STIM1: variants seen among roughly 807,000 people sequenced by gnomAD.
STIM1 encodes stromal interaction molecule 1.
A neutral mutation model predicts 74.7 loss-of-function variants in STIM1; 25 were observed. The observed-to-expected ratio is 0.33, with a 90% CI of 0.24 to 0.47. The LOEUF is 0.47. Among genes scored for constraint, STIM1 ranks in the 20% least tolerant of loss-of-function variants. The pLI is 1.00. For missense variants in STIM1, 728 were observed against 920.8 expected (o/e 0.79, Z 2.71); for synonymous variants, 328 against 348.8 (o/e 0.94, Z 0.66).
intron 2 of STIM1, among the ~76,000 whole-genome samples, chr11:3,995,214 C>T (rs2093652932): frequency 6.6e-6 from 1 of 152,060 alleles, no homozygotes; most frequent in Non-Finnish European, 1.5e-5. Flanking sequence ...ATGGGTCACA[C>T]TTTCGTGTTT....
chr11:3,884,077 G>A (rs186166080), intron 1 of STIM1, among the ~76,000 whole-genome samples: 4 of 152,224 alleles, frequency 2.6e-5, no homozygotes, highest in Admixed American at 2.6e-4. Context: ...GAGTGATGGG[G>A]GTGCTATTTT....
rs1590673056 is a variant in STIM1, at chr11:4,048,903, T to C, written c.386-6623T>C. On this transcript the variant is annotated intron_variant, in intron 3 of 12. Transcript: ENST00000526596. The stretch of plus-strand genomic sequence containing the variant: ...TGCCCGCCACCACGCCCAGTTAATT[T>C]TTGTTCTTTTAGTAGAGATGGGGTT... Among the ~76,000 whole-genome samples, 5 of 152,002 alleles carry C rather than the reference T, an allele frequency of 3.3e-5. No homozygotes were observed. The East Asian group carries it at 9.6e-4, about 29-fold the overall frequency.
At chr11:3,945,763 G>T (rs1590590609) in intron 1 of STIM1, among the ~76,000 whole-genome samples, 1 of 152,152 alleles carries the variant, frequency 6.6e-6, no homozygotes, top group Non-Finnish European at 1.5e-5. Context: ...AATACCTGAG[G>T]CTGGGTAATT....
At chr11:4,077,388 A>G (rs1417260729) in intron 7 of STIM1, among the ~76,000 whole-genome samples, 1 of 152,054 alleles carries the variant, frequency 6.6e-6, no homozygotes, top group Non-Finnish European at 1.5e-5. Flanking sequence ...TGTAGTCTAA[A>G]ATATGTAAAG....
chr11:4,042,972 C>G (rs948775845), intron 3 of STIM1, among the ~76,000 whole-genome samples: 1 of 152,116 alleles, frequency 6.6e-6, no homozygotes, highest in African/African-American at 2.4e-5. Flanking sequence ...CCGCTCTATT[C>G]CTAGTGCCTG....
chr11:4,068,525 C>T (rs1338084718), intron 5 of STIM1, among the ~76,000 whole-genome samples: 2 of 152,156 alleles, frequency 1.3e-5, no homozygotes, highest in Admixed American at 1.3e-4. Context: ...AGGCAACTCA[C>T]TGTGCTGCAG....
intron 2 of STIM1, among the ~76,000 whole-genome samples, chr11:4,012,106 A>G (rs2135961344): frequency 6.6e-6 from 1 of 152,314 alleles, no homozygotes; most frequent in South Asian, 2.1e-4. Flanking sequence ...TACCAGTACC[A>G]TGCTGTTTTG....
intron 2 of STIM1, among the ~76,000 whole-genome samples, chr11:3,970,845 T>C (rs927237896): frequency 6.6e-6 from 1 of 152,250 alleles, no homozygotes; most frequent in Non-Finnish European, 1.5e-5. Context: ...AATTCATTTT[T>C]ACTGCATCTT....
chr11:3,955,421 A>G (rs1446884470), intron 1 of STIM1, among the ~76,000 whole-genome samples: 1 of 152,202 alleles, frequency 6.6e-6, no homozygotes, highest in African/African-American at 2.4e-5. Context: ...GGTCAAAAAC[A>G]GGTAAAACTC....
intron 1 of STIM1, among the ~76,000 whole-genome samples, chr11:3,924,502 A>G (rs2092763888): frequency 6.6e-6 from 1 of 151,978 alleles, no homozygotes; most frequent in African/African-American, 2.4e-5. Context: ...CTGGCTTTAT[A>G]TATCTTTTAT....
At chr11:3,943,312 A>T (rs1379663748) in intron 1 of STIM1, among the ~76,000 whole-genome samples, 1 of 152,210 alleles carries the variant, frequency 6.6e-6, no homozygotes, top group Non-Finnish European at 1.5e-5. Context: ...AGATTGCCAC[A>T]TGCTATCTAA....
At chr11:3,894,018 G>A (rs953939637) in intron 1 of STIM1, among the ~76,000 whole-genome samples, 5 of 152,164 alleles carry the variant, frequency 3.3e-5, no homozygotes, top group Non-Finnish European at 5.9e-5. Context: ...GAGCTCAAGC[G>A]ATCTGCCCAC....
intron 1 of STIM1, among the ~76,000 whole-genome samples, chr11:3,913,838 T>C (rs1229735694): frequency 1.3e-5 from 2 of 152,194 alleles, no homozygotes; most frequent in Non-Finnish European, 2.9e-5. Flanking sequence ...TTTACCTATT[T>C]TGGATATTTC....
chr11:3,918,532 T>TAA (rs201179616), intron 1 of STIM1, among the ~76,000 whole-genome samples: 26 of 92,786 alleles, frequency 2.8e-4, no homozygotes, highest in Middle Eastern at 4.9e-3. Context: ...AGACACTGTC[T>TAA]CAAAAAAAAA....
At chr11:4,057,454 A>G (rs1256677525) in intron 4 of STIM1, among the ~76,000 whole-genome samples, 2 of 152,188 alleles carry the variant, frequency 1.3e-5, no homozygotes, top group Non-Finnish European at 2.9e-5. Context: ...TAGGCCCATC[A>G]CTAGCTCACA....
chr11:3,959,092 G>T (rs2093255220), intron 1 of STIM1, among the ~76,000 whole-genome samples: 1 of 151,956 alleles, frequency 6.6e-6, no homozygotes, highest in South Asian at 2.1e-4. Flanking sequence ...ATCTTCCCAG[G>T]GCTAGTACTC....
chr11:4,088,548 A>T (rs543049956), intron 12 of STIM1: 7 of 670,690 alleles, frequency 1.0e-5, no homozygotes, highest in Non-Finnish European at 1.6e-5. Context: ...TCCAGTACAG[A>T]TGGAGAGGAT....
At position 3,980,750 on chromosome 11, in the gene STIM1, C is replaced by T. The variant is rs188881275; in HGVS notation, c.270+13068C>T. Among the ~76,000 whole-genome samples, 25 of 152,072 alleles carry T rather than the reference C, an allele frequency of 1.6e-4. No individual in the cohort carries two copies. The East Asian group carries it at 1.7e-3, about 11-fold the overall frequency. On this transcript the variant is annotated intron_variant, in intron 2 of 12. Transcript: ENST00000526596. ...TCCACCAAGGCCTAGATCAGGGTTT[C>T]GGAACCTCAGCATTATTGATATTTT...
intron 1 of STIM1, among the ~76,000 whole-genome samples, chr11:3,869,284 A>G (rs1392980584): frequency 6.6e-6 from 1 of 152,144 alleles, no homozygotes; most frequent in Non-Finnish European, 1.5e-5. Flanking sequence ...ACTATTCTTT[A>G]TCAGGACTGG....
Sources: allele counts gnomAD v4.1 joint callset (sites outside exome capture counted in the v4.1 genomes callset), GRCh38; gene constraint gnomAD v4.1.1; transcripts MANE v1.5; gene names NCBI Gene and HGNC (gene_info 2026-07-23, HGNC 2026-07-21).